Variants in MR1 observed in about 807,000 individuals in gnomAD.
MR1 encodes the protein major histocompatibility complex, class I-related.
In MR1, 44 loss-of-function variants were observed where a neutral mutation model predicts 37.8. The observed-to-expected ratio is 1.16, with a 90% CI of 0.91 to 1.50. MR1 has a LOEUF of 1.50. Among genes scored for constraint, MR1 ranks in the 40% most tolerant of loss-of-function variants. The pLI, the probability that MR1 is intolerant of heterozygous loss-of-function variation, is 0.00. For synonymous variants in MR1, 153 were observed against 155.8 expected (o/e 0.98, Z 0.13); for missense variants, 386 against 419.1 (o/e 0.92, Z 0.69).
At chr1:181,052,548 TG>T in intron 4 of MR1, 38 bp downstream of exon 4, 1 of 1,593,766 alleles carries the variant, frequency 6.3e-7, no homozygotes, top group Non-Finnish European at 8.6e-7. Flanking sequence ...GGAGAGAGCC[TG>T]GAGAAAGGGG....
Position 181,055,498 on chromosome 1 carries a change from G to C in MR1, c.*233G>C. On this transcript the variant is annotated 3_prime_UTR_variant, in exon 6 of 6. Coordinates refer to ENST00000367580, the MANE Select transcript of MR1 (RefSeq NM_001385161.1). ...TTTGATGGACTGTTTTATCAGAGTT[G>C]ACTTTAAATACAGCTTGTCTCATGA... The C allele has an allele frequency of 9.2e-6, 5 of 541,474 alleles. No individual in the cohort carries two copies. The highest frequency in any genetic ancestry group is 3.0e-5 in the East Asian group (1 of 33,224). 33.5% of individuals were successfully genotyped at this position (541,474 alleles called of 1,614,324 possible).
chr1:181,055,261 G>A lies in MR1; in HGVS notation c.1022G>A (p.Arg341Gln), dbSNP rs1223711455. 1.9e-6 allele frequency: 3 copies of A among 1,612,754 alleles called. No homozygotes were observed. Among genetic ancestry groups the A allele is most frequent in the East Asian group, 2.2e-5 (1 of 44,864 alleles). Reference protein sequence around the residue: ...NGAIYLPTPDR With the variant: ...NGAIYLPTPDQ Reference sequence around the variant, plus strand: ...GCCATCTACCTTCCAACACCAGATCGATGATTGCAGATCCCTCTTTTCCAG... The same window carrying A: ...GCCATCTACCTTCCAACACCAGATCAATGATTGCAGATCCCTCTTTTCCAG... Residue 341 changes from arginine to glutamine, a missense_variant, in exon 6 of 6, where the codon CGA becomes CAA. Physicochemically the swap from Arg to Gln is conservative, Grantham distance 43 (BLOSUM62 1). Transcript: ENST00000367580.
intron 1 of MR1, among the ~76,000 whole-genome samples, chr1:181,042,481 G>A (rs1415172232): frequency 1.4e-5 from 2 of 146,654 alleles, no homozygotes; most frequent in Admixed American, 6.7e-5. Flanking sequence ...GATTAGAGGC[G>A]TGAGCCACCG....
chr1:181,035,330 C>T (rs1657216461), intron 1 of MR1, among the ~76,000 whole-genome samples: 1 of 151,482 alleles, frequency 6.6e-6, no homozygotes, highest in Non-Finnish European at 1.5e-5. Flanking sequence ...GAGTGAGACT[C>T]CATCTCAAAA....
chr1:181,037,738 C>T (rs1249772044), intron 1 of MR1, among the ~76,000 whole-genome samples: 2 of 152,038 alleles, frequency 1.3e-5, no homozygotes, highest in African/African-American at 2.4e-5. Context: ...GTTATAACTT[C>T]AAAGGATCAT....
intron 1 of MR1, among the ~76,000 whole-genome samples, chr1:181,047,955 C>A (rs1194916763): frequency 6.8e-6 from 1 of 147,320 alleles, no homozygotes; most frequent in African/African-American, 2.5e-5. Context: ...CGGTGGCTCA[C>A]GCCTGTAATC....
At chr1:181,053,325 T>G (rs1342111298) in intron 4 of MR1, among the ~76,000 whole-genome samples, 3 of 150,520 alleles carry the variant, frequency 2.0e-5, no homozygotes, top group Admixed American at 2.0e-4. Context: ...GAGGCTGCAG[T>G]GAGCTATAAT....
Position 181,052,331 on chromosome 1 carries a change from T to G in MR1, c.701T>G (p.Met234Arg). Residue 234 changes from methionine (M) to arginine (R), a missense_variant, in exon 4 of 6, where the codon ATG (methionine) becomes AGG (arginine). Physicochemically the swap from Met to Arg is moderately conservative, Grantham distance 91 (BLOSUM62 -1). Transcript: ENST00000367580. ...AHGFYPPEIY[M>R]TWMKNGEEIV... The stretch of plus-strand genomic sequence containing the variant: ...GGCTTTTACCCCCCAGAAATTTACA[T>G]GACATGGATGAAAAACGGGGAAGAA... 1.2e-6 allele frequency: 2 copies of G among 1,614,142 alleles called. No individual in the cohort carries two copies. Among genetic ancestry groups the G allele is most frequent in the Non-Finnish European group, 1.7e-6 (2 of 1,179,996 alleles).
At chr1:181,048,185 C>A (rs1658019839) in intron 1 of MR1, among the ~76,000 whole-genome samples, 1 of 150,914 alleles carries the variant, frequency 6.6e-6, no homozygotes, top group African/African-American at 2.4e-5. Flanking sequence ...CCACTGCACT[C>A]CAGCCTGGGC....
rs1221289303 is a variant in MR1 at position 181,057,666 on chromosome 1, T to A, written c.*2401T>A. The A allele has an allele frequency of 1.3e-5, 2 of 152,162 alleles. No homozygotes were observed. Among genetic ancestry groups the A allele is most frequent in the African/African-American group, 2.4e-5 (1 of 41,438 alleles). The allele number at this position is 152,162 out of a possible 1,614,324, so 9.4% of individuals were successfully genotyped here. ...ATGCACTTGTAGCATTTATGTTTCT[T>A]CCTGGGGGATTTTATAATACTAAAA... On this transcript the variant is annotated 3_prime_UTR_variant, in exon 6 of 6. Coordinates refer to ENST00000367580, the MANE Select transcript of MR1 (RefSeq NM_001385161.1).
intron 1 of MR1, among the ~76,000 whole-genome samples, chr1:181,048,546 A>G (rs1373164208): frequency 1.3e-5 from 2 of 152,044 alleles, no homozygotes; most frequent in Non-Finnish European, 2.9e-5. Context: ...AAAAAAAAAA[A>G]ATGCTCAGTG....
rs57509701 is a variant in MR1, at chr1:181,034,378, G to A, written c.67+304G>A. On this transcript the variant is annotated intron_variant, in intron 1 of 5. Coordinates refer to ENST00000367580, the MANE Select transcript of MR1 (RefSeq NM_001385161.1). ...TGCTCATATTTTTTCTTTTACTTTT[G>A]TTTCTCCTCTTTTCTAACTTCCAGA... Among the ~76,000 whole-genome samples the A allele has an allele frequency of 6.5e-3, 984 of 152,096 alleles. 15 individuals are homozygous for A. The highest frequency in any genetic ancestry group is 0.022 in the African/African-American group (932 of 41,484).
Position 181,044,865 on chromosome 1 carries a change from G to A in MR1, c.68-4187G>A, listed in dbSNP as rs546238585. 3.3e-5 allele frequency among the ~76,000 whole-genome samples: 5 copies of A among 152,298 alleles called. No homozygotes were observed. The South Asian group carries it at 1.0e-3, about 32-fold the overall frequency. On this transcript the variant is annotated intron_variant, in intron 1 of 5. Transcript: ENST00000367580. ...GGTGTTTAATTGTGGGAGGCCCTTG[G>A]CAGTGCTGGAAGGAGCAAGAAACAG...
rs1558119225 is a variant in MR1, at chr1:181,050,226, GA to G, written c.546del (p.Glu182AspfsTer6). 10 of 1,614,240 alleles carry G rather than the reference GA, an allele frequency of 6.2e-6. No homozygotes were observed. The highest frequency in any genetic ancestry group is 8.5e-6 in the Non-Finnish European group (10 of 1,180,022). On this transcript the variant is annotated frameshift_variant, in exon 3 of 6. Coordinates refer to ENST00000367580, the MANE Select transcript of MR1 (RefSeq NM_001385161.1). LOFTEE classifies it high-confidence loss of function. ...LLYQKNWLEE[E>X]CIAWLKRFLE... ...GTATCAAAAGAATTGGCTGGAAGAAGAATGTATTGCCTGGCTAAAGAGATTC... is the reference window on the plus strand; with the variant it reads ...GTATCAAAAGAATTGGCTGGAAGAAGATGTATTGCCTGGCTAAAGAGATTC...
At chr1:181,039,876 AAAAAAG>A (rs1177879070) in intron 1 of MR1, among the ~76,000 whole-genome samples, 39 of 151,858 alleles carry the variant, frequency 2.6e-4, no homozygotes, top group African/African-American at 8.7e-4. Flanking sequence ...AAAAAAAAAA[AAAAAAG>A]AAAAAAGAAA....
In MR1 at chr1:181,061,640, A is replaced by G. The variant is rs1395088856; in HGVS notation, c.*6375A>G. ...TCATGGTGTTTATTTATGGAAATCT[A>G]TTTTAAAAATTTTATGTAATACTGC... On this transcript the variant is annotated 3_prime_UTR_variant, in exon 6 of 6. Transcript: ENST00000367580. 1.3e-5 allele frequency: 2 copies of G among 152,258 alleles called. No homozygotes were observed. The highest frequency in any genetic ancestry group is 3.8e-4 in the East Asian group (2 of 5,206). 9.4% of individuals were successfully genotyped at this position (152,258 alleles called of 1,614,324 possible).
intron 1 of MR1, among the ~76,000 whole-genome samples, chr1:181,045,773 G>C (rs1657818771): frequency 3.3e-5 from 5 of 152,234 alleles, no homozygotes; most frequent in Admixed American, 3.3e-4. Context: ...CACTGTGGGA[G>C]CCCCTTTCTG....
At chr1:181,037,405 A>G (rs904460324) in intron 1 of MR1, among the ~76,000 whole-genome samples, 1 of 152,220 alleles carries the variant, frequency 6.6e-6, no homozygotes, top group Admixed American at 6.5e-5. Context: ...AATTTCTCCA[A>G]GACAATGTTT....
chr1:181,055,256 A>G lies in MR1; in HGVS notation c.1017A>G (p.Pro339=), dbSNP rs1452715980. 6.2e-7 allele frequency: 1 copy of G among 1,613,534 alleles called. No individual in the cohort carries two copies. Among genetic ancestry groups the G allele is most frequent in the East Asian group, 2.2e-5 (1 of 44,866 alleles). The change falls in exon 6 of 6, where the codon CCA becomes CCG. Residue 339 remains proline (P), a synonymous_variant. Coordinates refer to ENST00000367580, the MANE Select transcript of MR1 (RefSeq NM_001385161.1). ...EQNGAIYLPT[P]DR ...ATGGAGCCATCTACCTTCCAACACC[A>G]GATCGATGATTGCAGATCCCTCTTT... is the stretch of plus-strand genomic sequence containing the variant.
Sources: gnomAD v4.1 joint callset for allele counts (sites outside exome capture counted in the v4.1 genomes callset) on GRCh38, gnomAD v4.1.1 for gene constraint, MANE v1.5 for transcripts, NCBI Gene and HGNC (gene_info 2026-07-23, HGNC 2026-07-21) for gene names.